Variants in GPD2 observed in about 807,000 individuals in gnomAD.
GPD2 encodes the protein glycerol-3-phosphate dehydrogenase, mitochondrial.
GPD2 carries 54 observed loss-of-function variants against 82.4 expected under a neutral mutation model. The observed-to-expected ratio is 0.66, with a 90% CI of 0.53 to 0.82. The LOEUF is 0.82. GPD2 is among the 40% of genes least tolerant of loss of function. The pLI, the probability that GPD2 is intolerant of heterozygous loss-of-function variation, is 0.00. For synonymous variants in GPD2, 288 were observed against 306.1 expected (o/e 0.94, Z 0.62); for missense variants, 748 against 896.2 (o/e 0.83, Z 2.11).
At chr2:156,414,435 T>C in the GPD2 span, among the ~76,000 whole-genome samples, 1 of 152,214 alleles carries the variant, frequency 6.6e-6, no homozygotes, top group South Asian at 2.1e-4. Context: ...AACGTTCACA[T>C]TAAAATTTAA....
the GPD2 span, among the ~76,000 whole-genome samples, chr2:156,421,293 G>A: frequency 2.6e-5 from 4 of 152,102 alleles, no homozygotes; most frequent in South Asian, 2.1e-4. Flanking sequence ...ATCTGTGTAC[G>A]TACCCTTTAC....
intron 6 of GPD2, among the ~76,000 whole-genome samples, chr2:156,527,337 G>A (rs972094970): frequency 4.0e-5 from 6 of 151,220 alleles, no homozygotes; most frequent in Admixed American, 4.0e-4. Context: ...ATATTCTCTG[G>A]AGCCAAATAG....
chr2:156,582,761 G>A lies in GPD2; in HGVS notation c.2059-32G>A, dbSNP rs188567979. Reference sequence around the variant, plus strand: ...TGAAGAAGAGAGTAAGTTGGCCTGCGTTCTGAATCTGTTGCATATTTTCTC... The same window carrying A: ...TGAAGAAGAGAGTAAGTTGGCCTGCATTCTGAATCTGTTGCATATTTTCTC... On this transcript the variant is annotated intron_variant, in intron 16 of 16. Coordinates refer to ENST00000438166, the MANE Select transcript of GPD2 (RefSeq NM_000408.5). 1.3e-4 allele frequency: 206 copies of A among 1,610,944 alleles called. 1 individual carries two copies. The East Asian group carries it at 3.2e-3, about 25-fold the overall frequency.
chr2:156,549,422 G>A (rs1415094201), intron 6 of GPD2, among the ~76,000 whole-genome samples, 186 bp from the exon 7 acceptor site: 1 of 152,188 alleles, frequency 6.6e-6, no homozygotes, highest in Non-Finnish European at 1.5e-5. Flanking sequence ...TTGCTGAAGC[G>A]GCAGGTAGAT....
Position 156,570,232 on chromosome 2 carries a change from C to T in GPD2, c.1608+14C>T, listed in dbSNP as rs201840722. 9.3e-6 allele frequency: 15 copies of T among 1,608,818 alleles called. No homozygotes were observed. The highest frequency in any genetic ancestry group is 1.3e-5 in the Non-Finnish European group (15 of 1,175,700). On this transcript the variant is annotated intron_variant, in intron 12 of 16. Transcript: ENST00000438166. ...ATTGAAGCAGAGGTATGTGAATGGTCACATAGGAATTTCATGTCTGCCATG... is the reference window on the plus strand; with the variant it reads ...ATTGAAGCAGAGGTATGTGAATGGTTACATAGGAATTTCATGTCTGCCATG...
intron 2 of GPD2, among the ~76,000 whole-genome samples, chr2:156,491,443 C>A (rs906141992): frequency 6.6e-6 from 1 of 152,212 alleles, no homozygotes; most frequent in African/African-American, 2.4e-5. Flanking sequence ...CCATAATTTG[C>A]TGACCCCTGA....
intron 1 of GPD2, among the ~76,000 whole-genome samples, chr2:156,451,974 G>A (rs1301498355): frequency 6.6e-6 from 1 of 150,802 alleles, no homozygotes; most frequent in Admixed American, 6.6e-5. Context: ...GGGCAGAGGC[G>A]CTCCCCACAT....
At chr2:156,434,174 G>A (rs1172537670), upstream of GPD2, among the ~76,000 whole-genome samples, 2 of 152,132 alleles carry the variant, frequency 1.3e-5, no homozygotes, top group Admixed American at 1.3e-4. Context: ...TGCCATCTCA[G>A]CTCACTGTAA....
intron 9 of GPD2, among the ~76,000 whole-genome samples, chr2:156,561,039 G>GTTTTT (rs1491213527): frequency 1.5e-4 from 3 of 19,526 alleles, no homozygotes; most frequent in African/African-American, 2.9e-4. Context: ...GTGACATTAA[G>GTTTTT]CTTTTTTTTT....
At chr2:156,509,765 C>CTTTTTTT (rs60361072) in intron 3 of GPD2, among the ~76,000 whole-genome samples, 2,520 of 117,286 alleles carry the variant, frequency 0.021, 197 homozygotes, top group African/African-American at 0.068. Context: ...ATATGTTCTT[C>CTTTTTTT]TTTTTTTTTT....
chr2:156,512,457 T>C, intron 5 of GPD2, 140 bp downstream of exon 5: 1 of 682,962 alleles, frequency 1.5e-6, no homozygotes, highest in Non-Finnish European at 2.7e-6. Flanking sequence ...TGAAGTATTT[T>C]CCTTTGTTGT....
chr2:156,477,258 C>T (rs1255831019), intron 2 of GPD2, among the ~76,000 whole-genome samples: 1 of 152,142 alleles, frequency 6.6e-6, no homozygotes, highest in Non-Finnish European at 1.5e-5. Flanking sequence ...TGGTGAAACC[C>T]TGTCTCTACA....
chr2:156,584,874 TTC>T lies in GPD2; in HGVS notation c.*1962_*1963del, dbSNP rs1160250274. 2 of 152,314 alleles carry T rather than the reference TTC, an allele frequency of 1.3e-5. No individual in the cohort carries two copies. The highest frequency in any genetic ancestry group is 2.9e-5 in the Non-Finnish European group (2 of 67,934). The allele number at this position is 152,314 out of a possible 1,614,324, so 9.4% of individuals were successfully genotyped here. A position where few individuals can be genotyped will look rare whatever the true frequency, so the allele number is the denominator to read the frequency against. The stretch of plus-strand genomic sequence containing the variant: ...ACATTTGTGCTCTCTCTCTCTGTTT[TTC>T]TCTCTTTCTCTTTCTAGTTAGATCA... On this transcript the variant is annotated 3_prime_UTR_variant, in exon 17 of 17. Coordinates refer to ENST00000438166, the MANE Select transcript of GPD2 (RefSeq NM_000408.5).
chr2:156,518,713 A>G (rs931681923), intron 6 of GPD2, among the ~76,000 whole-genome samples: 4 of 152,226 alleles, frequency 2.6e-5, no homozygotes, highest in African/African-American at 9.7e-5. Context: ...TTCCTGGAAC[A>G]TAAGTAAAAT....
chr2:156,463,560 T>A (rs1411402137), intron 1 of GPD2, among the ~76,000 whole-genome samples: 1 of 152,192 alleles, frequency 6.6e-6, no homozygotes, highest in East Asian at 1.9e-4. Context: ...TAAAATAGCT[T>A]TGGACATTTT....
rs1264367656 is a variant in GPD2, at chr2:156,582,943, A to G, written c.*25A>G. 2.5e-6 allele frequency: 4 copies of G among 1,611,700 alleles called. No individual in the cohort carries two copies. Among genetic ancestry groups the G allele is most frequent in the South Asian group, 1.1e-5 (1 of 91,014 alleles). On this transcript the variant is annotated 3_prime_UTR_variant, in exon 17 of 17. Coordinates refer to ENST00000438166, the MANE Select transcript of GPD2 (RefSeq NM_000408.5). ...AGTCTGGGCAGTAAATCCACAGCCA[A>G]CAAACATAGAAACGACAAATCACCA...
intron 4 of GPD2, among the ~76,000 whole-genome samples, chr2:156,511,968 A>C (rs1265379406): frequency 2.0e-5 from 3 of 152,198 alleles, no homozygotes; most frequent in African/African-American, 7.2e-5. Flanking sequence ...TTGTAACTCA[A>C]GTCAGGAAAA....
intron 12 of GPD2, among the ~76,000 whole-genome samples, chr2:156,570,474 G>A (rs567849181): frequency 7.2e-5 from 11 of 152,128 alleles, no homozygotes; most frequent in Admixed American, 5.9e-4. Context: ...GTCCCTAAAC[G>A]TGTTAATTCA....
intron 9 of GPD2, among the ~76,000 whole-genome samples, chr2:156,563,337 C>T (rs538139619): frequency 1.8e-4 from 28 of 151,828 alleles, no homozygotes; most frequent in Middle Eastern, 3.4e-3. Flanking sequence ...AGAGATGAAG[C>T]AATAATGAAA....
Sources: gnomAD v4.1 joint callset for allele counts (sites outside exome capture counted in the v4.1 genomes callset) on GRCh38, gnomAD v4.1.1 for gene constraint, MANE v1.5 for transcripts, NCBI Gene and HGNC (gene_info 2026-07-23, HGNC 2026-07-21) for gene names.